The following CASR variants were observed in gnomAD, a reference collection of about 807,000 sequenced individuals.
CASR encodes the protein extracellular calcium-sensing receptor.
In CASR, 23 loss-of-function variants were observed where a neutral mutation model predicts 69.1. The ratio of observed to expected loss-of-function variants is 0.33; its 90% confidence interval spans 0.24 to 0.47. The LOEUF (loss-of-function observed/expected upper bound fraction) is 0.47. Ranked by LOEUF, CASR falls within the 20% of genes least tolerant of loss-of-function variation. The probability of loss-of-function intolerance (pLI) is 1.00; values close to 1 mark genes in which losing one functional copy is unlikely to be tolerated. For missense variants in CASR, 924 were observed against 1,356.1 expected (o/e 0.68, Z 5.00); for synonymous variants, 541 against 544.7 (o/e 0.99, Z 0.10).
At chr3:122,263,725 A>T (rs1323903089) in intron 4 of CASR, among the ~76,000 whole-genome samples, 1 of 152,012 alleles carries the variant, frequency 6.6e-6, no homozygotes, top group Non-Finnish European at 1.5e-5. Context: ...CCCAACCATC[A>T]CTGTTGGCTA....
chr3:122,262,142 T>A lies in CASR; in HGVS notation c.1107T>A (p.Pro369=), dbSNP rs570856084. ...HLQEGAKGPL[P]VDTFLRGHEE... ...AAGAAGGTGCAAAAGGACCTTTACC[T>A]GTGGACACCTTTCTGAGAGGTCACG... Residue 369 remains proline (P), a synonymous_variant, in exon 4 of 7, where the codon CCT becomes CCA. Coordinates refer to ENST00000639785, the MANE Select transcript of CASR (RefSeq NM_000388.4). The A allele has an allele frequency of 6.2e-7, 1 of 1,614,200 alleles. No homozygotes were observed. Among genetic ancestry groups the A allele is most frequent in the Non-Finnish European group, 8.5e-7 (1 of 1,180,020 alleles).
At chr3:122,240,153 A>G (rs1283535168) in intron 1 of CASR, among the ~76,000 whole-genome samples, 29 of 152,240 alleles carry the variant, frequency 1.9e-4, no homozygotes, top group Non-Finnish European at 7.3e-5. Flanking sequence ...GGAAAGAAGC[A>G]TATAACATAC....
rs1343898933 is a variant in CASR at position 122,291,034 on chromosome 3, C to T, written c.*5843C>T. The T allele has an allele frequency of 6.6e-6, 1 of 151,086 alleles. No homozygotes were observed. The highest frequency in any genetic ancestry group is 1.5e-5 in the Non-Finnish European group (1 of 67,794). The allele number at this position is 151,086 out of a possible 1,614,324, so 9.4% of individuals were successfully genotyped here. ...TGAGAATGATGGTTTCCAGCTTCAT[C>T]CATGTCCCTACAAAGGACACGAACT... On this transcript the variant is annotated 3_prime_UTR_variant, in exon 7 of 7. Coordinates refer to ENST00000639785, the MANE Select transcript of CASR (RefSeq NM_000388.4).
At chr3:122,262,715 G>T (rs989431407) in intron 4 of CASR, among the ~76,000 whole-genome samples, 1 of 152,188 alleles carries the variant, frequency 6.6e-6, no homozygotes, top group Admixed American at 6.5e-5. Context: ...AATGAGTGGG[G>T]TATTTTTCTA....
rs1389343009 is a variant in CASR at position 122,290,960 on chromosome 3, A to C, written c.*5769A>C. ...TGATCTCATTGTTCGATTCCCACCT[A>C]TGAGTGAGAATACGTGGTGTTTGGT... On this transcript the variant is annotated 3_prime_UTR_variant, in exon 7 of 7. Transcript: ENST00000639785. 3 of 146,428 alleles carry C rather than the reference A, an allele frequency of 2.0e-5. No individual in the cohort carries two copies. The highest frequency in any genetic ancestry group is 2.2e-4 in the South Asian group (1 of 4,532). 9.1% of individuals were successfully genotyped at this position (146,428 alleles called of 1,614,324 possible). A position where few individuals can be genotyped will look rare whatever the true frequency, so the allele number is the denominator to read the frequency against.
chr3:122,284,887 G>C lies in CASR; in HGVS notation c.2933G>C (p.Ser978Thr). Residue 978 changes from serine (S) to threonine (T), a missense_variant, in exon 7 of 7, where the codon AGC becomes ACC. By Grantham distance (58) the Ser-to-Thr change is moderately conservative. Transcript: ENST00000639785. ...FGSGTVTFSL[S>T]FDEPQKNAMA... Reference sequence around the variant, plus strand: ...AGCGGCACGGTCACCTTCTCACTGAGCTTTGATGAGCCTCAGAAGAACGCC... The same window carrying C: ...AGCGGCACGGTCACCTTCTCACTGACCTTTGATGAGCCTCAGAAGAACGCC... 6.2e-7 allele frequency: 1 copy of C among 1,614,176 alleles called. No individual in the cohort carries two copies. Among genetic ancestry groups the C allele is most frequent in the Non-Finnish European group, 8.5e-7 (1 of 1,180,016 alleles).
At chr3:122,256,650 C>T (rs910355325) in intron 2 of CASR, among the ~76,000 whole-genome samples, 12 of 152,130 alleles carry the variant, frequency 7.9e-5, no homozygotes, top group African/African-American at 2.4e-4. Flanking sequence ...TGGAGTCTCA[C>T]GCTATCACCC....
intron 1 of CASR, among the ~76,000 whole-genome samples, chr3:122,223,388 A>G (rs2074191926): frequency 6.6e-6 from 1 of 152,158 alleles, no homozygotes; most frequent in Non-Finnish European, 1.5e-5. Context: ...CCGCACAGAC[A>G]TACAAAAAAT....
rs4678173 is a variant in CASR, at chr3:122,272,292, C to T, written c.1378-3520C>T. 2.0e-5 allele frequency among the ~76,000 whole-genome samples: 3 copies of T among 152,044 alleles called. No individual in the cohort carries two copies. In the East Asian group the frequency reaches 5.8e-4, roughly 29 times the overall value. ...GCCCTGTTTCTTATCTAATCCAATA[C>T]TTTTTAATGTGAAATCTAGCCTCTT... On this transcript the variant is annotated intron_variant, in intron 4 of 6. Transcript: ENST00000639785.
rs1060499700 is a variant in CASR, at chr3:122,261,645, T to C, written c.610T>C (p.Phe204Leu). The C allele has an allele frequency of 6.2e-6, 10 of 1,614,240 alleles. No homozygotes were observed. The highest frequency in any genetic ancestry group is 7.6e-6 in the Non-Finnish European group (9 of 1,180,040). Reference sequence around the variant, plus strand: ...TGCCATGGCAGACATCATCGAGTATTTCCGCTGGAACTGGGTGGGCACAAT... The same window carrying C: ...TGCCATGGCAGACATCATCGAGTATCTCCGCTGGAACTGGGTGGGCACAAT... ...ATAMADIIEY[F>L]RWNWVGTIAA... Residue 204 changes from phenylalanine to leucine, a missense_variant, in exon 4 of 7, where the codon TTC (phenylalanine) becomes CTC (leucine). Phe to Leu is a conservative substitution (Grantham distance 22). Coordinates refer to ENST00000639785, the MANE Select transcript of CASR (RefSeq NM_000388.4).
chr3:122,211,689 C>G (rs1349235478), intron 1 of CASR, among the ~76,000 whole-genome samples: 1 of 152,164 alleles, frequency 6.6e-6, no homozygotes, highest in South Asian at 2.1e-4. Flanking sequence ...GCCTGGGTAA[C>G]AGAGTGAGAC....
chr3:122,184,549 G>C (rs1279006186), intron 1 of CASR: 1 of 156,068 alleles, frequency 6.4e-6, no homozygotes, highest in Non-Finnish European at 1.4e-5. Flanking sequence ...GGGAACCCAA[G>C]GAGGGCGGGA....
At chr3:122,278,973 C>T (rs1417320977) in intron 5 of CASR, among the ~76,000 whole-genome samples, 1 of 152,198 alleles carries the variant, frequency 6.6e-6, no homozygotes, top group Non-Finnish European at 1.5e-5. Context: ...CATTTTTCAG[C>T]CTTCATTTCT....
At chr3:122,248,803 G>A (rs576708634) in intron 1 of CASR, among the ~76,000 whole-genome samples, 1 of 152,292 alleles carries the variant, frequency 6.6e-6, no homozygotes, top group African/African-American at 2.4e-5. Context: ...GAGAGTAGGG[G>A]TGGTTTTTAT....
intron 4 of CASR, among the ~76,000 whole-genome samples, chr3:122,264,750 G>C (rs2074669461): frequency 6.6e-6 from 1 of 152,194 alleles, no homozygotes. Flanking sequence ...AACCCAGGCT[G>C]TTGGATGGGC....
chr3:122,270,201 A>G (rs868326549), intron 4 of CASR, among the ~76,000 whole-genome samples: 1 of 152,160 alleles, frequency 6.6e-6, no homozygotes, highest in Non-Finnish European at 1.5e-5. Context: ...CTATTTAGGT[A>G]TATATGAGTC....
intron 1 of CASR, among the ~76,000 whole-genome samples, chr3:122,201,468 C>T (rs2073950347): frequency 6.6e-6 from 1 of 152,244 alleles, no homozygotes; most frequent in South Asian, 2.1e-4. Context: ...TTTTCTATTC[C>T]ACAAAACTGC....
chr3:122,284,902 A>G lies in CASR; in HGVS notation c.2948A>G (p.Gln983Arg), dbSNP rs878853975. The G allele has an allele frequency of 6.2e-7, 1 of 1,614,210 alleles. No individual in the cohort carries two copies. The change falls in exon 7 of 7, where the codon CAG becomes CGG. Residue 983 changes from glutamine (Q) to arginine (R), a missense_variant. Gln to Arg is a conservative substitution (Grantham distance 43, BLOSUM62 1). Around this residue, in one of 8 missense-constraint regions of CASR, gnomAD observed 201 missense variants for 228.8 expected, o/e 0.88. Coordinates refer to ENST00000639785, the MANE Select transcript of CASR (RefSeq NM_000388.4). The stretch of plus-strand genomic sequence containing the variant: ...TTCTCACTGAGCTTTGATGAGCCTC[A>G]GAAGAACGCCATGGCCCACAGGAAT... Reference protein sequence around the residue: ...VTFSLSFDEPQKNAMAHRNST... With the variant: ...VTFSLSFDEPRKNAMAHRNST...
intron 1 of CASR, among the ~76,000 whole-genome samples, chr3:122,212,999 T>G (rs1325748173): frequency 6.6e-6 from 1 of 152,144 alleles, no homozygotes; most frequent in Non-Finnish European, 1.5e-5. Flanking sequence ...TTTACTCTTG[T>G]GAGACTCAAG....
Sources: allele counts gnomAD v4.1 joint callset (sites outside exome capture counted in the v4.1 genomes callset), GRCh38; gene constraint gnomAD v4.1.1; regional missense constraint gnomAD v4.1.1; transcripts MANE v1.5; gene names NCBI Gene and HGNC (gene_info 2026-07-23, HGNC 2026-07-21).